NRCAM: variants seen among roughly 807,000 people sequenced by gnomAD.
NRCAM encodes the protein neuronal cell adhesion molecule.
A neutral mutation model predicts 156.5 loss-of-function variants in NRCAM; 83 were observed. That is an observed-to-expected ratio of 0.53 (90% CI 0.44 to 0.64). The LOEUF (loss-of-function observed/expected upper bound fraction) is 0.64. NRCAM is among the 30% of genes least tolerant of loss of function. The pLI, the probability that NRCAM is intolerant of heterozygous loss-of-function variation, is 0.00. For synonymous variants in NRCAM, 538 were observed against 563.9 expected, an observed-to-expected ratio of 0.95 and a Z score of 0.65; for missense variants, 1,417 against 1,597.3, an observed-to-expected ratio of 0.89 and a Z score of 1.92.
At chr7:108,333,784 C>A (rs1368051326) in intron 2 of NRCAM, among the ~76,000 whole-genome samples, 1 of 152,144 alleles carries the variant, frequency 6.6e-6, no homozygotes, top group African/African-American at 2.4e-5. Flanking sequence ...AAGATCAATG[C>A]AACTCTTTTA....
At chr7:108,277,807 G>A (rs1307671239) in intron 3 of NRCAM, among the ~76,000 whole-genome samples, 1 of 152,132 alleles carries the variant, frequency 6.6e-6, no homozygotes, top group Non-Finnish European at 1.5e-5. Flanking sequence ...TCCTTTGGAG[G>A]AGAAGAGGCC....
chr7:108,180,279 T>C lies in NRCAM; in HGVS notation c.2795A>G (p.Asn932Ser), dbSNP rs199867432. The stretch of plus-strand genomic sequence containing the variant: ...GCTGGCTGGGCCCTCCCCTTTCCCA[T>C]TGACCACTCGGACATTCAGTGTGTA... Reference protein sequence around the residue: ...SHYTLNVRVVNGKGEGPASPD... With the variant: ...SHYTLNVRVVSGKGEGPASPD... Residue 932 changes from asparagine to serine, a missense_variant, in exon 25 of 33, where the codon AAT (asparagine) becomes AGT (serine). Physicochemically the swap from Asn to Ser is conservative, Grantham distance 46. Coordinates refer to ENST00000379028, the MANE Select transcript of NRCAM (RefSeq NM_001037132.4). 5.6e-5 allele frequency: 91 copies of C among 1,614,108 alleles called. No homozygotes were observed. The highest frequency in any genetic ancestry group is 2.1e-4 in the African/African-American group (16 of 74,938).
chr7:108,241,308 A>G (rs747524869), intron 3 of NRCAM, among the ~76,000 whole-genome samples: 7 of 152,202 alleles, frequency 4.6e-5, no homozygotes, highest in African/African-American at 1.7e-4. Context: ...GGAAGTGTCC[A>G]TTGCAAAATG....
intron 2 of NRCAM, among the ~76,000 whole-genome samples, chr7:108,360,508 C>T (rs2099542515): frequency 6.6e-6 from 1 of 152,076 alleles, no homozygotes. Context: ...CTAAAATTCA[C>T]GTGAAACAAA....
intron 3 of NRCAM, among the ~76,000 whole-genome samples, chr7:108,248,451 G>C (rs1045814178): frequency 9.9e-5 from 15 of 151,998 alleles, no homozygotes; most frequent in African/African-American, 3.6e-4. Context: ...AGTAATGCAA[G>C]GAGAAGAGAG....
intron 3 of NRCAM, among the ~76,000 whole-genome samples, chr7:108,299,148 G>GAAAA (rs1563165051): frequency 7.1e-5 from 4 of 56,234 alleles, no homozygotes; most frequent in Admixed American, 1.9e-4. Context: ...GAAAAGAAAA[G>GAAAA]TAAAAAAAAA....
intron 2 of NRCAM, among the ~76,000 whole-genome samples, chr7:108,394,981 A>C: frequency 6.6e-6 from 1 of 152,220 alleles, no homozygotes; most frequent in Non-Finnish European, 1.5e-5. Context: ...GATCAAAATT[A>C]TTTATTATTT....
At chr7:108,262,189 G>C (rs1463801935) in intron 3 of NRCAM, among the ~76,000 whole-genome samples, 1 of 152,048 alleles carries the variant, frequency 6.6e-6, no homozygotes, top group Non-Finnish European at 1.5e-5. Context: ...AACACAAGTG[G>C]TTGGCAGTCT....
At chr7:108,282,395 T>C (rs571753830) in intron 3 of NRCAM, among the ~76,000 whole-genome samples, 1 of 152,286 alleles carries the variant, frequency 6.6e-6, no homozygotes, top group African/African-American at 2.4e-5. Flanking sequence ...ACCAGAAACA[T>C]ATAACACTGG....
rs189393318 is a variant in NRCAM at position 108,253,496 on chromosome 7, G to T, written c.-106-13326C>A. Among the ~76,000 whole-genome samples the T allele has an allele frequency of 2.6e-5, 4 of 152,290 alleles. No individual in the cohort carries two copies. In the East Asian group the frequency reaches 7.7e-4, roughly 29 times the overall value. On this transcript the variant is annotated intron_variant, in intron 3 of 32. Coordinates refer to ENST00000379028, the MANE Select transcript of NRCAM (RefSeq NM_001037132.4). The stretch of plus-strand genomic sequence containing the variant: ...GTGTTTCTGGCAAGTGCCCAGAAGG[G>T]GATGAAGGATACTAAGTGAGGGTGA...
In NRCAM at chr7:108,329,440, C is replaced by T. The variant is rs1040310277; in HGVS notation, c.-173-16709G>A. Among the ~76,000 whole-genome samples the T allele has an allele frequency of 2.6e-5, 4 of 152,168 alleles. No homozygotes were observed. The East Asian group carries it at 7.7e-4, about 29-fold the overall frequency. ...ATTTTGCTTAAACTTCTAATGATTG[C>T]TTTTCAAGCTTTCAGGTTCTCTGGA... is the stretch of plus-strand genomic sequence containing the variant. On this transcript the variant is annotated intron_variant, in intron 2 of 32. Coordinates refer to ENST00000379028, the MANE Select transcript of NRCAM (RefSeq NM_001037132.4).
At chr7:108,274,098 T>G (rs1217585935) in intron 3 of NRCAM, among the ~76,000 whole-genome samples, 1 of 152,242 alleles carries the variant, frequency 6.6e-6, no homozygotes, top group Non-Finnish European at 1.5e-5. Flanking sequence ...TCCATTGGTC[T>G]GTATCTGTTC....
intron 3 of NRCAM, among the ~76,000 whole-genome samples, chr7:108,258,225 G>C (rs2096758020): frequency 6.6e-6 from 1 of 152,196 alleles, no homozygotes; most frequent in Non-Finnish European, 1.5e-5. Context: ...TTGGCTGAAA[G>C]CCCGCTAAAA....
chr7:108,226,314 G>C lies in NRCAM; in HGVS notation c.615C>G (p.Ser205=). The change falls in exon 9 of 33, where the codon TCC becomes TCG. Residue 205 remains serine, a synonymous_variant. Coordinates refer to ENST00000379028, the MANE Select transcript of NRCAM (RefSeq NM_001037132.4). ...SQGLNGDLYF[S]NVLPEDTRED... ...CGCGGGTGTCCTCTGGGAGGACATT[G>C]GAAAAATAAAGGTCCCCATTCAAAC... The C allele has an allele frequency of 6.2e-7, 1 of 1,610,208 alleles. No homozygotes were observed. The highest frequency in any genetic ancestry group is 8.5e-7 in the Non-Finnish European group (1 of 1,176,814).
At chr7:108,209,314 G>T in intron 12 of NRCAM, 107 bp downstream of exon 12, 1 of 749,482 alleles carries the variant, frequency 1.3e-6, no homozygotes. Flanking sequence ...CATGAATGTT[G>T]ACATAACTTT....
At chr7:108,396,205 T>C (rs940052158) in intron 2 of NRCAM, among the ~76,000 whole-genome samples, 3 of 152,160 alleles carry the variant, frequency 2.0e-5, no homozygotes, top group Admixed American at 6.6e-5. Flanking sequence ...GCAAAAAAGA[T>C]TGAAACAGGG....
intron 14 of NRCAM, 147 bp from the exon 15 acceptor site, chr7:108,196,019 T>C: frequency 1.6e-6 from 1 of 634,424 alleles, no homozygotes; most frequent in Non-Finnish European, 2.8e-6. Context: ...TCAGGCATAA[T>C]GCTGCCAGTC....
At chr7:108,187,101 G>A (rs2067337905) in intron 20 of NRCAM, among the ~76,000 whole-genome samples, 1 of 152,070 alleles carries the variant, frequency 6.6e-6, no homozygotes, top group Non-Finnish European at 1.5e-5. Flanking sequence ...GCACAGTTTG[G>A]GAACCATGGT....
chr7:108,337,320 A>C (rs1182650316), intron 2 of NRCAM, among the ~76,000 whole-genome samples: 1 of 150,748 alleles, frequency 6.6e-6, no homozygotes, highest in Admixed American at 6.6e-5. Flanking sequence ...TTTGTATAGG[A>C]GCTCTGTTTT....
Sources: gnomAD v4.1 joint callset for allele counts (sites outside exome capture counted in the v4.1 genomes callset) on GRCh38, gnomAD v4.1.1 for gene constraint, MANE v1.5 for transcripts, NCBI Gene and HGNC (gene_info 2026-07-23, HGNC 2026-07-21) for gene names.